The following ANKRD11 variants were observed in gnomAD, a reference collection of about 807,000 sequenced individuals.
ANKRD11 encodes ankyrin repeat domain 11.
Under a neutral mutation model 195.7 loss-of-function variants are expected in ANKRD11, and 17 were observed. That is an observed-to-expected ratio of 0.09 (90% CI 0.06 to 0.13). The LOEUF is 0.13. ANKRD11 is among the 10% of genes least tolerant of loss of function. ANKRD11 has a pLI of 1.00. For missense variants in ANKRD11, 3,735 were observed against 3,566.1 expected (o/e 1.05, Z -1.21); for synonymous variants, 1,953 against 1,528.1 (o/e 1.28, Z -6.49).
chr16:89,303,711 G>T (rs887323650), intron 4 of ANKRD11, among the ~76,000 whole-genome samples: 1 of 152,186 alleles, frequency 6.6e-6, no homozygotes, highest in Non-Finnish European at 1.5e-5. Context: ...GCACATCCCT[G>T]GAGCACCCCA....
intron 1 of ANKRD11, among the ~76,000 whole-genome samples, chr16:89,456,216 G>C (rs2056426916): frequency 6.7e-6 from 1 of 149,716 alleles, no homozygotes; most frequent in Non-Finnish European, 1.5e-5. Flanking sequence ...CTCCAGCCTG[G>C]GCAACAGAAC....
At chr16:89,355,223 A>G (rs2039414435) in intron 2 of ANKRD11, among the ~76,000 whole-genome samples, 1 of 151,984 alleles carries the variant, frequency 6.6e-6, no homozygotes, top group Admixed American at 6.6e-5. Context: ...CAGAGGGCTC[A>G]CGGAGGGAGG....
intron 2 of ANKRD11, among the ~76,000 whole-genome samples, chr16:89,357,548 C>T (rs577753442): frequency 2.6e-5 from 4 of 152,252 alleles, no homozygotes; most frequent in African/African-American, 7.2e-5. Context: ...GAAAGCAGGG[C>T]CCCCAAAAGA....
intron 2 of ANKRD11, among the ~76,000 whole-genome samples, chr16:89,325,379 G>A (rs1049177045): frequency 1.3e-4 from 19 of 151,736 alleles, no homozygotes; most frequent in Admixed American, 2.6e-4. Flanking sequence ...TCGAGGCTGC[G>A]GTAAGCCAAG....
chr16:89,462,989 G>T (rs1258516440), intron 1 of ANKRD11, among the ~76,000 whole-genome samples: 2 of 150,992 alleles, frequency 1.3e-5, no homozygotes, highest in Non-Finnish European at 3.0e-5. Flanking sequence ...CGCCCCGTCC[G>T]GGAGGGAGGT....
chr16:89,277,311 G>A (rs937089906), intron 9 of ANKRD11, among the ~76,000 whole-genome samples: 8 of 152,162 alleles, frequency 5.3e-5, no homozygotes, highest in Non-Finnish European at 7.3e-5. Context: ...GGCAGCTACA[G>A]CAGGAGCTGT....
At chr16:89,418,459 G>C in intron 1 of ANKRD11, 91 bp from the exon 2 acceptor site, 1 of 362,056 alleles carries the variant, frequency 2.8e-6, no homozygotes, top group South Asian at 2.1e-5. Context: ...TGGTCCACAC[G>C]GTTTATTCCA....
At chr16:89,336,281 C>A (rs1352312017) in intron 2 of ANKRD11, among the ~76,000 whole-genome samples, 1 of 152,152 alleles carries the variant, frequency 6.6e-6, no homozygotes, top group African/African-American at 2.4e-5. Context: ...GAGCAGGTGC[C>A]GGGGAGCAGC....
chr16:89,481,301 C>G (rs2057436387), intron 1 of ANKRD11, among the ~76,000 whole-genome samples: 1 of 152,170 alleles, frequency 6.6e-6, no homozygotes, highest in Non-Finnish European at 1.5e-5. Flanking sequence ...CATGTGATGT[C>G]TTGTGCCTGT....
chr16:89,355,980 G>T (rs1481708649), intron 2 of ANKRD11, among the ~76,000 whole-genome samples: 1 of 152,192 alleles, frequency 6.6e-6, no homozygotes, highest in Non-Finnish European at 1.5e-5. Flanking sequence ...GGAGGCTGAG[G>T]TGGGAGGATC....
Position 89,282,885 on chromosome 16 carries a change from G to A in ANKRD11, c.3657C>T (p.Asp1219=). The change falls in exon 9 of 13, where the codon GAC becomes GAT. Residue 1219 remains aspartate, a synonymous_variant. Transcript: ENST00000301030. Reference sequence around the variant, plus strand: ...AGTCCACTGAGGCTCTGTCCTTCCTGTCCTTGTACTTTTCTGTGGACTCTT... The same window carrying A: ...AGTCCACTGAGGCTCTGTCCTTCCTATCCTTGTACTTTTCTGTGGACTCTT... ...KDKESTEKYK[D]RKDRASVDST... 1 of 1,612,724 alleles carries A rather than the reference G, an allele frequency of 6.2e-7. No homozygotes were observed. Among genetic ancestry groups the A allele is most frequent in the Non-Finnish European group, 8.5e-7 (1 of 1,179,960 alleles).
In ANKRD11 at chr16:89,319,123, C is replaced by T. The variant is rs75673833; in HGVS notation, c.-59-2045G>A. ...ACTGTCTGCTCTCAGGACGGAAAAA[C>T]GGGGCCTTCACCATGTAGAGTCCAC... On this transcript the variant is annotated intron_variant, in intron 2 of 12. Coordinates refer to ENST00000301030, the MANE Select transcript of ANKRD11 (RefSeq NM_013275.6). Among the ~76,000 whole-genome samples, 1,351 of 152,316 alleles carry T rather than the reference C, an allele frequency of 8.9e-3. 85 individuals carry two copies. The East Asian group carries it at 0.18, about 20-fold the overall frequency.
At chr16:89,408,005 G>C (rs1431509686) in intron 2 of ANKRD11, among the ~76,000 whole-genome samples, 1 of 152,062 alleles carries the variant, frequency 6.6e-6, no homozygotes, top group African/African-American at 2.4e-5. Flanking sequence ...AAATCACTGT[G>C]GTCACTCCCC....
intron 1 of ANKRD11, among the ~76,000 whole-genome samples, chr16:89,422,378 A>T (rs942390179): frequency 6.6e-6 from 1 of 152,166 alleles, no homozygotes; most frequent in Admixed American, 6.5e-5. Context: ...TTTAAAAAAA[A>T]GGATCTTGGA....
chr16:89,322,584 C>T (rs945344250), intron 2 of ANKRD11, among the ~76,000 whole-genome samples: 9 of 152,162 alleles, frequency 5.9e-5, no homozygotes, highest in Admixed American at 5.2e-4. Flanking sequence ...CTCCCAGAAC[C>T]TTCAATCCCA....
At chr16:89,449,435 G>A (rs1056607474) in intron 1 of ANKRD11, among the ~76,000 whole-genome samples, 30 of 152,014 alleles carry the variant, frequency 2.0e-4, no homozygotes, top group African/African-American at 6.5e-4. Flanking sequence ...AGGATCTCTG[G>A]AAATGCGTTA....
At chr16:89,473,708 G>A (rs2057163925) in intron 1 of ANKRD11, among the ~76,000 whole-genome samples, 1 of 152,210 alleles carries the variant, frequency 6.6e-6, no homozygotes, top group African/African-American at 2.4e-5. Context: ...TCCAGGGAAT[G>A]AGGGTTCTGA....
chr16:89,424,536 T>C (rs921608251), intron 1 of ANKRD11, among the ~76,000 whole-genome samples: 4 of 152,058 alleles, frequency 2.6e-5, no homozygotes, highest in African/African-American at 9.7e-5. Context: ...TGAATGTGTG[T>C]TTCTCACCAT....
At chr16:89,358,631 T>C (rs2039593925) in intron 2 of ANKRD11, among the ~76,000 whole-genome samples, 1 of 152,110 alleles carries the variant, frequency 6.6e-6, no homozygotes, top group South Asian at 2.1e-4. Context: ...ATAAACAGAA[T>C]GACTAAGATT....
Sources: gnomAD v4.1 joint callset for allele counts (sites outside exome capture counted in the v4.1 genomes callset) on GRCh38, gnomAD v4.1.1 for gene constraint, MANE v1.5 for transcripts, NCBI Gene and HGNC (gene_info 2026-07-23, HGNC 2026-07-21) for gene names.